CASK: variants seen among roughly 807,000 people sequenced by gnomAD.
The protein encoded by CASK is calcium/calmodulin dependent serine protein kinase.
A neutral mutation model predicts 82.9 loss-of-function variants in CASK; 4 were observed. The ratio of observed to expected loss-of-function variants is 0.05; its 90% CI spans 0.02 to 0.11. The LOEUF (loss-of-function observed/expected upper bound fraction) is 0.11. Ranked by LOEUF, CASK falls within the 10% of genes least tolerant of loss-of-function variation. CASK has a pLI of 1.00. For synonymous variants in CASK, 259 were observed against 253.5 expected (o/e 1.02, Z -0.20); for missense variants, 358 against 720.9 (o/e 0.50, Z 5.76).
chrX:41,750,853 C>T (rs1448163405), intron 3 of CASK, among the ~76,000 whole-genome samples: 1 of 111,655 alleles, frequency 9.0e-6, no homozygotes, highest in Admixed American at 9.5e-5. Flanking sequence ...GGCACAAAAT[C>T]ACGTGCTATG....
At chrX:41,546,720 C>T (rs1259917858) in intron 21 of CASK, among the ~76,000 whole-genome samples, 3 of 110,819 alleles carry the variant, frequency 2.7e-5, no homozygotes, top group African/African-American at 9.9e-5. Context: ...TCAAGTGATC[C>T]GCCCACCTCG....
intron 15 of CASK, among the ~76,000 whole-genome samples, chrX:41,575,622 T>C (rs1420736437): frequency 9.0e-6 from 1 of 111,378 alleles, no homozygotes; most frequent in Non-Finnish European, 1.9e-5. Context: ...AATGGACACA[T>C]TGCAGAGGGT....
chrX:41,627,730 C>T lies in CASK; in HGVS notation c.916-1027G>A, dbSNP rs192431896. Reference sequence around the variant, plus strand: ...TAAGAATATGAAAACGGGCTGGACGCGGTGGCTCACGCCTGCAATCCCAGC... The same window carrying T: ...TAAGAATATGAAAACGGGCTGGACGTGGTGGCTCACGCCTGCAATCCCAGC... On this transcript the variant is annotated intron_variant, in intron 9 of 26. Coordinates refer to ENST00000378163, the MANE Select transcript of CASK (RefSeq NM_001367721.1). 1.9e-3 allele frequency among the ~76,000 whole-genome samples: 212 copies of T among 112,742 alleles called. 4 individuals carry two copies. Among genetic ancestry groups the T allele is most frequent in the Admixed American group, 0.017 (181 of 10,681 alleles).
At position 41,536,774 on chromosome X, in the gene CASK, G is replaced by A. The variant is rs963417413; in HGVS notation, c.2156-1801C>T. The stretch of plus-strand genomic sequence containing the variant: ...AATGTTTTCTGTGTTCAGAATGGCA[G>A]ACTCACAAAATTAAAATGAACATGA... On this transcript the variant is annotated intron_variant, in intron 22 of 26. Coordinates refer to ENST00000378163, the MANE Select transcript of CASK (RefSeq NM_001367721.1). Among the ~76,000 whole-genome samples the A allele has an allele frequency of 3.6e-5, 4 of 111,592 alleles. No homozygotes were observed. In the Admixed American group the frequency reaches 3.8e-4, roughly 11 times the overall value.
intron 22 of CASK, among the ~76,000 whole-genome samples, chrX:41,539,469 C>G (rs761772535): frequency 7.5e-4 from 84 of 111,950 alleles, no homozygotes; most frequent in Admixed American, 4.2e-3. Flanking sequence ...GAACAGAGTA[C>G]TGTATTTTAC....
chrX:41,784,295 G>A lies in CASK; in HGVS notation c.278+2883C>T, dbSNP rs111614319. On this transcript the variant is annotated intron_variant, in intron 3 of 26. Coordinates refer to ENST00000378163, the MANE Select transcript of CASK (RefSeq NM_001367721.1). ...GAGACCTTTGAAAGCAAAACAAAGA[G>A]AGTTTGAGAAAAAAAGGGAGGTTCC... is the stretch of plus-strand genomic sequence containing the variant. 8.3e-3 allele frequency among the ~76,000 whole-genome samples: 927 copies of A among 111,880 alleles called. 7 individuals are homozygous for A. The highest frequency in any genetic ancestry group is 0.028 in the African/African-American group (853 of 30,788).
At chrX:41,571,190 G>A (rs1425339800) in intron 15 of CASK, among the ~76,000 whole-genome samples, 1 of 111,071 alleles carries the variant, frequency 9.0e-6, no homozygotes, top group African/African-American at 3.3e-5. Context: ...GGATGAGCTG[G>A]GAAAAATTCC....
chrX:41,648,344 A>G (rs759881184), intron 8 of CASK, among the ~76,000 whole-genome samples: 2 of 111,534 alleles, frequency 1.8e-5, no homozygotes, highest in Admixed American at 9.6e-5. Flanking sequence ...ATCAATGACA[A>G]TAGTGCCTGA....
In CASK at chrX:41,727,072, A is replaced by G. The variant is rs1446588550; in HGVS notation, c.429+12312T>C. 4 of 1,168,900 alleles carry G rather than the reference A, an allele frequency of 3.4e-6. No homozygotes were observed. In the African/African-American group the frequency reaches 5.3e-5, roughly 16 times the overall value. On this transcript the variant is annotated intron_variant, in intron 5 of 26. Transcript: ENST00000378163. The stretch of plus-strand genomic sequence containing the variant: ...TATTCAACCATCTATGATCTCTTCC[A>G]TGGCTTTACCAATCATTTACATCCT...
chrX:41,707,382 C>T (rs1188478741), intron 5 of CASK, among the ~76,000 whole-genome samples: 3 of 111,882 alleles, frequency 2.7e-5, no homozygotes, highest in African/African-American at 9.7e-5. Flanking sequence ...CCATGTTGAA[C>T]CAGCTAGCCT....
intron 1 of CASK, among the ~76,000 whole-genome samples, chrX:41,891,110 G>A (rs376654987): frequency 7.3e-5 from 8 of 109,000 alleles, no homozygotes; most frequent in South Asian, 8.0e-4. Context: ...AGCTGGTCTC[G>A]AACTCCTGAC....
intron 3 of CASK, among the ~76,000 whole-genome samples, chrX:41,752,186 GA>G (rs748531462): frequency 3.6e-5 from 4 of 111,417 alleles, no homozygotes; most frequent in Non-Finnish European, 5.7e-5. Flanking sequence ...AGTTATGTTA[GA>G]AATAAATTAA....
chrX:41,815,022 G>C (rs1044483770), intron 2 of CASK, among the ~76,000 whole-genome samples: 1 of 111,600 alleles, frequency 9.0e-6, no homozygotes, highest in Non-Finnish European at 1.9e-5. Flanking sequence ...AGTGCATGCA[G>C]TGTCACTGAG....
At chrX:41,772,076 C>T (rs1272202687) in intron 3 of CASK, among the ~76,000 whole-genome samples, 7 of 110,995 alleles carry the variant, frequency 6.3e-5, no homozygotes, top group South Asian at 7.6e-4. Context: ...ACAGGCCAGG[C>T]GCGGTAGCTC....
At chrX:41,737,449 A>G (rs1373267059) in intron 5 of CASK, among the ~76,000 whole-genome samples, 3 of 112,175 alleles carry the variant, frequency 2.7e-5, no homozygotes, top group Non-Finnish European at 5.6e-5. Flanking sequence ...AGAGATACCG[A>G]GCCTTATCTC....
intron 1 of CASK, among the ~76,000 whole-genome samples, chrX:41,899,910 A>G (rs111938912): frequency 0.01 from 1,142 of 111,533 alleles, 14 homozygotes; most frequent in African/African-American, 0.034. Flanking sequence ...TTTCAACTTG[A>G]AGAACTCCCT....
At chrX:41,829,988 T>C (rs1029653793) in intron 2 of CASK, among the ~76,000 whole-genome samples, 89 of 105,010 alleles carry the variant, frequency 8.5e-4, no homozygotes, top group Non-Finnish European at 1.5e-3. Context: ...TACATTTTTT[T>C]TCTGAAATAT....
At chrX:41,778,355 C>T (rs1165278437) in intron 3 of CASK, among the ~76,000 whole-genome samples, 7 of 108,699 alleles carry the variant, frequency 6.4e-5, no homozygotes, top group African/African-American at 1.3e-4. Context: ...CTCAGCCTCC[C>T]GAGTAGCTAG....
intron 9 of CASK, among the ~76,000 whole-genome samples, chrX:41,635,176 T>A (rs1395165865): frequency 9.0e-6 from 1 of 111,392 alleles, no homozygotes; most frequent in Non-Finnish European, 1.9e-5. Context: ...ACTGACCTTT[T>A]AATTTTATTT....
Sources: allele counts gnomAD v4.1 joint callset (sites outside exome capture counted in the v4.1 genomes callset), GRCh38; gene constraint gnomAD v4.1.1; transcripts MANE v1.5; gene names NCBI Gene and HGNC (gene_info 2026-07-23, HGNC 2026-07-21).